CHRM3: variants seen among roughly 807,000 people sequenced by gnomAD.
CHRM3 encodes cholinergic receptor muscarinic 3, also known as muscarinic acetylcholine receptor M3.
Under a neutral mutation model 41.8 loss-of-function variants are expected in CHRM3, and 11 were observed. That is an observed-to-expected ratio of 0.26 (90% CI 0.17 to 0.44). CHRM3 has a LOEUF of 0.44. CHRM3 is among the 20% of genes least tolerant of loss of function. The pLI, the probability that CHRM3 is intolerant of heterozygous loss-of-function variation, is 1.00. For missense variants in CHRM3, 571 were observed against 745.4 expected (o/e 0.77, Z 2.72); for synonymous variants, 297 against 301.4 (o/e 0.99, Z 0.15).
At chr1:239,396,152 A>G (rs2102945610) in intron 1 of CHRM3, among the ~76,000 whole-genome samples, 1 of 152,246 alleles carries the variant, frequency 6.6e-6, no homozygotes, top group East Asian at 1.9e-4. Flanking sequence ...CTGTTACTCT[A>G]TCAGAATCTC....
At chr1:239,524,093 C>T (rs1342167114) in intron 2 of CHRM3, among the ~76,000 whole-genome samples, 1 of 152,148 alleles carries the variant, frequency 6.6e-6, no homozygotes, top group East Asian at 1.9e-4. Flanking sequence ...ACTAAACCTG[C>T]ATCCCACCTT....
At chr1:239,660,822 A>C (rs568328961) in intron 4 of CHRM3, among the ~76,000 whole-genome samples, 1 of 152,320 alleles carries the variant, frequency 6.6e-6, no homozygotes, top group East Asian at 1.9e-4. Flanking sequence ...TGGAGGTTGC[A>C]GTGAGTCAAG....
intron 1 of CHRM3, among the ~76,000 whole-genome samples, chr1:239,441,221 A>G (rs549957066): frequency 6.6e-6 from 1 of 152,352 alleles, no homozygotes; most frequent in East Asian, 1.9e-4. Flanking sequence ...TGGAAAAGTT[A>G]TTAGAACTGC....
intron 3 of CHRM3, among the ~76,000 whole-genome samples, chr1:239,615,577 A>G (rs978464541): frequency 6.6e-6 from 1 of 152,188 alleles, no homozygotes. Context: ...ACTTTGATAG[A>G]TATTTGTAGG....
rs375439734 is a variant in CHRM3, at chr1:239,620,423, C to T, written c.-312-11801C>T. ...TACTTTTCTTTCCAAAAATCAGATACGTAGGTAGATACATATATAGATAGA... is the reference window on the plus strand; with the variant it reads ...TACTTTTCTTTCCAAAAATCAGATATGTAGGTAGATACATATATAGATAGA... On this transcript the variant is annotated intron_variant, in intron 3 of 6. Transcript: ENST00000676153. Among the ~76,000 whole-genome samples, 10 of 151,624 alleles carry T rather than the reference C, an allele frequency of 6.6e-5. 1 individual carries two copies. The highest frequency in any genetic ancestry group is 4.2e-4 in the South Asian group (2 of 4,798).
At chr1:239,446,996 G>A (rs1664199416) in intron 1 of CHRM3, among the ~76,000 whole-genome samples, 1 of 152,142 alleles carries the variant, frequency 6.6e-6, no homozygotes, top group African/African-American at 2.4e-5. Context: ...GGATTTTGTT[G>A]TTGTTAATGG....
chr1:239,412,150 T>C (rs547625016), intron 1 of CHRM3, among the ~76,000 whole-genome samples: 5 of 151,008 alleles, frequency 3.3e-5, no homozygotes, highest in Admixed American at 3.3e-4. Context: ...TATTATCTTT[T>C]TGTATTATTT....
intron 1 of CHRM3, among the ~76,000 whole-genome samples, chr1:239,400,311 T>C (rs764553690): frequency 6.6e-6 from 1 of 152,224 alleles, no homozygotes; most frequent in African/African-American, 2.4e-5. Flanking sequence ...ATTTTCTTTT[T>C]TGCTATTGAG....
rs920924569 is a variant in CHRM3 at position 239,867,728 on chromosome 1, G to A, written c.-19-39705G>A. 7.5e-4 allele frequency among the ~76,000 whole-genome samples: 114 copies of A among 150,996 alleles called. 1 individual carries two copies. The highest frequency in any genetic ancestry group is 2.2e-3 in the African/African-American group (89 of 41,272). On this transcript the variant is annotated intron_variant, in intron 6 of 6. Coordinates refer to ENST00000676153, the MANE Select transcript of CHRM3 (RefSeq NM_001375978.1). The stretch of plus-strand genomic sequence containing the variant: ...GTGTCCAGGTATATGATGAGATGGC[G>A]GAACTTAACATCGTACCTAGAAAAA...
At chr1:239,805,883 T>C (rs78031655) in intron 5 of CHRM3, among the ~76,000 whole-genome samples, 1 of 152,200 alleles carries the variant, frequency 6.6e-6, no homozygotes, top group Non-Finnish European at 1.5e-5. Flanking sequence ...TTTCCCTTCT[T>C]GGTTAGTTCT....
chr1:239,567,662 C>T (rs1661479862), intron 3 of CHRM3, among the ~76,000 whole-genome samples: 1 of 152,094 alleles, frequency 6.6e-6, no homozygotes, highest in African/African-American at 2.4e-5. Flanking sequence ...AATTATATAT[C>T]GGTGTGTGAA....
chr1:239,873,327 T>C (rs1676754640), intron 6 of CHRM3, among the ~76,000 whole-genome samples: 2 of 152,144 alleles, frequency 1.3e-5, no homozygotes, highest in Admixed American at 6.6e-5. Context: ...AACATGATAA[T>C]GCAAAGGGAA....
At chr1:239,880,426 T>C (rs889677072) in intron 6 of CHRM3, among the ~76,000 whole-genome samples, 1 of 152,228 alleles carries the variant, frequency 6.6e-6, no homozygotes, top group African/African-American at 2.4e-5. Flanking sequence ...ATCAGAGATA[T>C]TATCTATATA....
chr1:239,592,207 A>C (rs759353160), intron 3 of CHRM3, among the ~76,000 whole-genome samples: 12 of 152,212 alleles, frequency 7.9e-5, no homozygotes, highest in Non-Finnish European at 1.8e-4. Flanking sequence ...TAGACATTGT[A>C]ATGGCATAAC....
chr1:239,578,431 A>G (rs988867804), intron 3 of CHRM3, among the ~76,000 whole-genome samples: 2 of 152,204 alleles, frequency 1.3e-5, no homozygotes, highest in South Asian at 4.1e-4. Context: ...TTAGCTCTGA[A>G]TAACTGAATT....
At chr1:239,492,352 T>G (rs1667608574) in intron 1 of CHRM3, among the ~76,000 whole-genome samples, 1 of 152,154 alleles carries the variant, frequency 6.6e-6, no homozygotes, top group Admixed American at 6.6e-5. Context: ...AAACTCAACT[T>G]CTGGTACCTT....
chr1:239,874,299 A>ATATATCTATATACACAG (rs1553291948), intron 6 of CHRM3, among the ~76,000 whole-genome samples: 7 of 116,702 alleles, frequency 6.0e-5, no homozygotes, highest in Non-Finnish European at 1.2e-4. Context: ...ATATATATAT[A>ATATATCTATATACACAG]TATATATATA....
intron 1 of CHRM3, among the ~76,000 whole-genome samples, chr1:239,425,636 C>G (rs989906806): frequency 6.6e-6 from 1 of 152,064 alleles, no homozygotes; most frequent in Non-Finnish European, 1.5e-5. Flanking sequence ...AATAAAGGCA[C>G]GTGGTAAACG....
intron 3 of CHRM3, among the ~76,000 whole-genome samples, chr1:239,553,769 A>G (rs912813039): frequency 1.3e-5 from 2 of 152,180 alleles, no homozygotes; most frequent in African/African-American, 4.8e-5. Flanking sequence ...TGGAGATATA[A>G]TTACCGGTGT....
Sources: allele counts gnomAD v4.1 joint callset (sites outside exome capture counted in the v4.1 genomes callset), GRCh38; gene constraint gnomAD v4.1.1; transcripts MANE v1.5; gene names NCBI Gene and HGNC (gene_info 2026-07-23, HGNC 2026-07-21).